Variants in PTPN11 observed in about 807,000 individuals in gnomAD.
The protein encoded by PTPN11 is protein tyrosine phosphatase non-receptor type 11.
PTPN11 carries 6 observed loss-of-function variants against 78.8 expected under a neutral mutation model. That is an observed-to-expected ratio of 0.08 (90% confidence interval 0.04 to 0.15). The LOEUF is 0.15. Among genes scored for constraint, PTPN11 ranks in the 10% least tolerant of loss-of-function variants. The pLI, the probability that PTPN11 is intolerant of heterozygous loss-of-function variation, is 1.00. For missense variants in PTPN11, 386 were observed against 744.8 expected, an observed-to-expected ratio of 0.52 and a Z score of 5.61; for synonymous variants, 221 against 263.5, an observed-to-expected ratio of 0.84 and a Z score of 1.56.
Position 112,450,308 on chromosome 12 carries a change from A to T in PTPN11, c.138-10A>T, listed in dbSNP as rs2135861808. 1.3e-6 allele frequency: 2 copies of T among 1,591,702 alleles called. No individual in the cohort carries two copies. Among genetic ancestry groups the T allele is most frequent in the African/African-American group, 2.7e-5 (2 of 74,478 alleles). ...GTCCCCTTGCCTCCCTTTCCAATGG[A>T]CTATTTTAGAAGAAATGGAGCTGTC... On this transcript the variant is annotated splice_polypyrimidine_tract_variant and intron_variant, in intron 2 of 15. Transcript: ENST00000351677.
chr12:112,454,817 TC>T (rs1361705220), intron 5 of PTPN11, 137 bp downstream of exon 5: 14 of 616,884 alleles, frequency 2.3e-5, no homozygotes, highest in East Asian at 3.2e-5. Context: ...AACTATCAAA[TC>T]TTTTTTTTTT....
At chr12:112,471,413 C>A (rs1169577758) in intron 6 of PTPN11, among the ~76,000 whole-genome samples, 1 of 147,942 alleles carries the variant, frequency 6.8e-6, no homozygotes, top group Non-Finnish European at 1.5e-5. Context: ...TGTTTTGCCA[C>A]ACAGGCTGGA....
chr12:112,424,340 G>A (rs1566153025), intron 1 of PTPN11, among the ~76,000 whole-genome samples: 1 of 152,176 alleles, frequency 6.6e-6, no homozygotes, highest in Non-Finnish European at 1.5e-5. Context: ...GATTCTTAAT[G>A]TCTTTAGTGT....
chr12:112,490,096 A>T (rs1555270684), intron 13 of PTPN11, among the ~76,000 whole-genome samples: 1 of 152,196 alleles, frequency 6.6e-6, no homozygotes, highest in Non-Finnish European at 1.5e-5. Context: ...ATGTAAGGTC[A>T]AAATTTGAAC....
At chr12:112,438,011 T>C (rs2135844212) in intron 1 of PTPN11, among the ~76,000 whole-genome samples, 2 of 152,278 alleles carry the variant, frequency 1.3e-5, no homozygotes, top group East Asian at 3.9e-4. Context: ...TCTTTCCCCC[T>C]GGAATCATGC....
rs1322494804 is a variant in PTPN11, at chr12:112,482,110, C to G, written c.1129C>G (p.Leu377Val). ...CAAATACTGGCCTGATGAGTATGCTCTAAAAGAATATGGCGTCATGCGTGT... is the reference window on the plus strand; with the variant it reads ...CAAATACTGGCCTGATGAGTATGCTGTAAAAGAATATGGCGTCATGCGTGT... Reference protein sequence around the residue: ...CVKYWPDEYALKEYGVMRVRN... With the variant: ...CVKYWPDEYAVKEYGVMRVRN... Residue 377 changes from leucine (L) to valine (V), a missense_variant, in exon 10 of 16, where the codon CTA (leucine) becomes GTA (valine). By Grantham distance (32) the Leu-to-Val change is conservative. Coordinates refer to ENST00000351677, the MANE Select transcript of PTPN11 (RefSeq NM_002834.5). This position sits in a 1 kb window ranked among gnomAD's most constrained non-coding sequence, Gnocchi z 4.4. The G allele has an allele frequency of 6.3e-7, 1 of 1,590,482 alleles. No homozygotes were observed. Among genetic ancestry groups the G allele is most frequent in the Non-Finnish European group, 8.6e-7 (1 of 1,158,646 alleles).
In PTPN11 at chr12:112,504,028, T is replaced by C. The variant is rs1640642529; in HGVS notation, c.1713-667T>C. ...CTCCTGTATTTTCCCTTCTTGGAGCTTTTGCCTGTTCAGATCCCTCTACTG... is the reference window on the plus strand; with the variant it reads ...CTCCTGTATTTTCCCTTCTTGGAGCCTTTGCCTGTTCAGATCCCTCTACTG... On this transcript the variant is annotated intron_variant, in intron 14 of 15. Coordinates refer to ENST00000351677, the MANE Select transcript of PTPN11 (RefSeq NM_002834.5). This position sits in a 1 kb window ranked among gnomAD's most constrained non-coding sequence, Gnocchi z 4.7. 6.6e-6 allele frequency among the ~76,000 whole-genome samples: 1 copy of C among 152,192 alleles called. No individual in the cohort carries two copies. Among genetic ancestry groups the C allele is most frequent in the East Asian group, 1.9e-4 (1 of 5,194 alleles).
chr12:112,460,087 A>T (rs573408411), intron 6 of PTPN11, among the ~76,000 whole-genome samples: 1 of 152,110 alleles, frequency 6.6e-6, no homozygotes, highest in East Asian at 1.9e-4. Context: ...AGCTGGGACT[A>T]CAGGTGCCCA....
At position 112,441,263 on chromosome 12, in the gene PTPN11, C is replaced by CT. The variant is rs578108811; in HGVS notation, c.15-5003dup. The stretch of plus-strand genomic sequence containing the variant: ...ACAAGCATGAGCCACCTTGCCCAGC[C>CT]TTTTTTTTTTAAATCTGAGAAGAGG... On this transcript the variant is annotated intron_variant, in intron 1 of 15. Transcript: ENST00000351677. Among the ~76,000 whole-genome samples, 120 of 147,400 alleles carry CT rather than the reference C, an allele frequency of 8.1e-4. 2 individuals are homozygous for CT. In the South Asian group the frequency reaches 0.019, roughly 23 times the overall value.
At chr12:112,480,830 T>C (rs1352809837) in intron 9 of PTPN11, among the ~76,000 whole-genome samples, 2 of 152,246 alleles carry the variant, frequency 1.3e-5, no homozygotes, top group African/African-American at 2.4e-5. Flanking sequence ...TTTCTCTTGC[T>C]GATATTGGTG....
rs528446388 is a variant in PTPN11 at position 112,494,030 on chromosome 12, A to T, written c.1599+4855A>T. Among the ~76,000 whole-genome samples the T allele has an allele frequency of 2.8e-3, 420 of 152,238 alleles. 3 individuals carry two copies. Among genetic ancestry groups the T allele is most frequent in the African/African-American group, 9.7e-3 (405 of 41,540 alleles). Reference sequence around the variant, plus strand: ...CACTTTGGAAGGCTGAGGAGGGTGGATCACTTGAGGTCAGGAGTTCGAGAC... The same window carrying T: ...CACTTTGGAAGGCTGAGGAGGGTGGTTCACTTGAGGTCAGGAGTTCGAGAC... On this transcript the variant is annotated intron_variant, in intron 13 of 15. Transcript: ENST00000351677.
intron 7 of PTPN11, among the ~76,000 whole-genome samples, chr12:112,475,999 T>C (rs756036520): frequency 2.0e-5 from 3 of 151,774 alleles, no homozygotes; most frequent in Non-Finnish European, 2.9e-5. Flanking sequence ...AGACAAGAGT[T>C]TCTCTATGTT....
At chr12:112,470,593 C>G (rs1362254158) in intron 6 of PTPN11, among the ~76,000 whole-genome samples, 2 of 152,186 alleles carry the variant, frequency 1.3e-5, no homozygotes, top group Non-Finnish European at 2.9e-5. Flanking sequence ...TAAACAGGAA[C>G]TGTAGGAAAT....
chr12:112,438,813 T>C (rs1289093707), intron 1 of PTPN11, among the ~76,000 whole-genome samples: 1 of 152,076 alleles, frequency 6.6e-6, no homozygotes, highest in African/African-American at 2.4e-5. Context: ...TTTGTAGAGA[T>C]GGGATCTTGC....
chr12:112,490,331 A>C lies in PTPN11; in HGVS notation c.1599+1156A>C, dbSNP rs571478318. Among the ~76,000 whole-genome samples, 400 of 130,946 alleles carry C rather than the reference A, an allele frequency of 3.1e-3. 1 individual carries two copies. The highest frequency in any genetic ancestry group is 4.9e-3 in the Non-Finnish European group (314 of 63,670). 85.9% of individuals were successfully genotyped at this position (130,946 alleles called of 152,430 possible). A position where few individuals can be genotyped will look rare whatever the true frequency, so the allele number is the denominator to read the frequency against. ...TTTTTTTTTTTTTTTTTTGAGAGAG[A>C]GGTCTCTCTCTGTTGCCCAGGCTGG... On this transcript the variant is annotated intron_variant, in intron 13 of 15. Transcript: ENST00000351677.
At chr12:112,459,908 TACACACACACACACACACAC>T (rs56846748) in intron 6 of PTPN11, among the ~76,000 whole-genome samples, 1 of 146,884 alleles carries the variant, frequency 6.8e-6, no homozygotes, top group Non-Finnish European at 1.5e-5. Flanking sequence ...TCCTGATTGC[TACACACACACACACACACAC>T]ACACACACAC....
At chr12:112,421,770 G>A (rs1458039637) in intron 1 of PTPN11, among the ~76,000 whole-genome samples, 1 of 152,080 alleles carries the variant, frequency 6.6e-6, no homozygotes, top group Non-Finnish European at 1.5e-5. Flanking sequence ...GGGGCTACAG[G>A]TGTGCACCAC....
At chr12:112,467,536 C>A (rs1490716661) in intron 6 of PTPN11, among the ~76,000 whole-genome samples, 1 of 152,020 alleles carries the variant, frequency 6.6e-6, no homozygotes, top group Non-Finnish European at 1.5e-5. Context: ...ACTCTTTTGC[C>A]CAGCCTGGAG....
intron 10 of PTPN11, among the ~76,000 whole-genome samples, chr12:112,485,433 A>G (rs1279855217): frequency 6.6e-6 from 1 of 152,192 alleles, no homozygotes; most frequent in Non-Finnish European, 1.5e-5. Context: ...CAAAATAGCC[A>G]TAATGTGCTG....
Sources: allele counts gnomAD v4.1 joint callset (sites outside exome capture counted in the v4.1 genomes callset), GRCh38; gene constraint gnomAD v4.1.1; non-coding constraint Gnocchi (gnomAD v3.1); transcripts MANE v1.5; gene names NCBI Gene and HGNC (gene_info 2026-07-23, HGNC 2026-07-21).